The following VASH2 variants were observed in gnomAD, a reference collection of about 807,000 sequenced individuals.
The protein encoded by VASH2 is tubulinyl-Tyr carboxypeptidase 2.
A neutral mutation model predicts 37.2 loss-of-function variants in VASH2; 28 were observed. That is an observed-to-expected ratio of 0.75 (90% CI 0.56 to 1.03). The LOEUF (loss-of-function observed/expected upper bound fraction) is 1.03, where lower values mean the gene tolerates loss of function less well. VASH2 is among the 50% of genes least tolerant of loss of function. The probability of loss-of-function intolerance (pLI) is 0.00; values close to 1 mark genes in which losing one functional copy is unlikely to be tolerated. For synonymous variants in VASH2, 188 were observed against 174.7 expected (o/e 1.08, Z -0.60); for missense variants, 419 against 459.1 (o/e 0.91, Z 0.80).
chr1:212,954,481 T>C (rs1666421322), intron 2 of VASH2, among the ~76,000 whole-genome samples: 1 of 152,182 alleles, frequency 6.6e-6, no homozygotes, highest in African/African-American at 2.4e-5. Flanking sequence ...AGTGCAGTGG[T>C]GCGATCTCGG....
intron 5 of VASH2, among the ~76,000 whole-genome samples, chr1:212,966,733 AAG>A (rs1159688711): frequency 2.0e-5 from 3 of 152,206 alleles, no homozygotes; most frequent in Non-Finnish European, 4.4e-5. Context: ...AATCAGAGCC[AAG>A]AGTGCTAGTA....
At chr1:212,961,379 G>A in intron 3 of VASH2, 125 bp downstream of exon 3, 1 of 1,552,246 alleles carries the variant, frequency 6.4e-7, no homozygotes, top group Non-Finnish European at 8.7e-7. Context: ...GGCCAGGCAT[G>A]GAGGGATGTC....
intron 7 of VASH2, among the ~76,000 whole-genome samples, chr1:212,976,756 C>A (rs941874166): frequency 1.3e-5 from 2 of 152,176 alleles, no homozygotes; most frequent in Admixed American, 6.5e-5. Flanking sequence ...TGTTGAGGCA[C>A]CACTTGCCCT....
Position 212,951,772 on chromosome 1 carries a change from G to A in VASH2, c.230G>A (p.Gly77Glu), listed in dbSNP as rs1558138599. The A allele has an allele frequency of 1.9e-6, 3 of 1,608,826 alleles. No homozygotes were observed. Among genetic ancestry groups the A allele is most frequent in the South Asian group, 1.1e-5 (1 of 89,294 alleles). ...CACGTGGCCAAGGTGCACCCTAAGGGGGGAGAAATGGTGGGCGCCATCAGG... is the reference window on the plus strand; with the variant it reads ...CACGTGGCCAAGGTGCACCCTAAGGAGGGAGAAATGGTGGGCGCCATCAGG... ...WMHVAKVHPKGGEMVGAIRNA... is the reference protein window; with the variant it reads ...WMHVAKVHPKEGEMVGAIRNA... Residue 77 changes from glycine to glutamate, a missense_variant, in exon 2 of 8, where the codon GGG (glycine) becomes GAG (glutamate). Gly to Glu is a moderately conservative substitution (Grantham distance 98). This residue lies in a region of VASH2 where 158 missense variants were observed against 163.0 expected (regional missense o/e 0.97). Coordinates refer to ENST00000517399, the MANE Select transcript of VASH2 (RefSeq NM_001301056.2). The surrounding 1 kb of genome is among the most constrained non-coding windows in gnomAD (Gnocchi z 4.4).
chr1:212,984,959 AC>A (rs1333761572), intron 7 of VASH2, among the ~76,000 whole-genome samples: 1 of 152,096 alleles, frequency 6.6e-6, no homozygotes, highest in African/African-American at 2.4e-5. Flanking sequence ...TTGACTTAGC[AC>A]CCACTGTTAG....
chr1:212,958,833 C>T (rs1666576498), intron 2 of VASH2, among the ~76,000 whole-genome samples: 2 of 152,094 alleles, frequency 1.3e-5, no homozygotes, highest in South Asian at 4.1e-4. Context: ...CCTACCTCAG[C>T]CTCCTGAGTA....
intron 7 of VASH2, among the ~76,000 whole-genome samples, chr1:212,981,719 C>T (rs745848457): frequency 4.6e-5 from 7 of 152,324 alleles, no homozygotes; most frequent in South Asian, 2.1e-4. Flanking sequence ...TGCCGGCACA[C>T]GTACCCAGAC....
At chr1:212,967,303 A>G (rs1345982638) in intron 5 of VASH2, 6 of 1,250,080 alleles carry the variant, frequency 4.8e-6, no homozygotes, top group Non-Finnish European at 6.2e-6. Context: ...TTCGAGCATC[A>G]TGCCATTGGA....
intron 2 of VASH2, among the ~76,000 whole-genome samples, chr1:212,957,756 G>GC (rs1666540813): frequency 6.6e-6 from 1 of 151,826 alleles, no homozygotes; most frequent in Non-Finnish European, 1.5e-5. Flanking sequence ...GTTTACAGGC[G>GC]CCTACCACCA....
intron 7 of VASH2, among the ~76,000 whole-genome samples, chr1:212,978,329 G>T (rs755089962): frequency 2.0e-5 from 3 of 152,188 alleles, no homozygotes; most frequent in Admixed American, 6.5e-5. Flanking sequence ...CTACTCTCCC[G>T]CTCCCCTCCT....
chr1:212,952,114 T>C (rs1049736466), intron 2 of VASH2, among the ~76,000 whole-genome samples: 1 of 152,184 alleles, frequency 6.6e-6, no homozygotes, highest in Non-Finnish European at 1.5e-5. Flanking sequence ...CACCCCCACA[T>C]ACATCCTCCT....
intron 5 of VASH2, among the ~76,000 whole-genome samples, chr1:212,970,364 T>C (rs1299048832): frequency 1.3e-5 from 2 of 152,174 alleles, no homozygotes; most frequent in East Asian, 3.8e-4. Context: ...TCTTGTCTCC[T>C]CCCCACTTCT....
intron 2 of VASH2, among the ~76,000 whole-genome samples, chr1:212,958,768 C>T (rs141752679): frequency 0.015 from 2,353 of 152,170 alleles, 29 homozygotes; most frequent in Middle Eastern, 0.027. Context: ...AGCTGGAGTG[C>T]GGTGGCCCAT....
At chr1:212,954,246 C>A (rs775547359) in intron 2 of VASH2, among the ~76,000 whole-genome samples, 2 of 152,146 alleles carry the variant, frequency 1.3e-5, no homozygotes, top group Non-Finnish European at 2.9e-5. Context: ...AGCTCCCAGA[C>A]CAACTCACCC....
intron 3 of VASH2, among the ~76,000 whole-genome samples, chr1:212,962,600 T>C (rs115457736): frequency 0.012 from 1,857 of 152,068 alleles, 40 homozygotes; most frequent in African/African-American, 0.041. Flanking sequence ...CCCACAGGGG[T>C]TGGTGTTTAC....
chr1:212,979,837 C>T (rs971100012), intron 7 of VASH2, among the ~76,000 whole-genome samples: 8 of 152,052 alleles, frequency 5.3e-5, no homozygotes, highest in Admixed American at 3.9e-4. Context: ...TCCTGTGGTT[C>T]GTAAAGAGAA....
chr1:212,963,442 A>C (rs1207279924), intron 3 of VASH2, among the ~76,000 whole-genome samples: 1 of 152,166 alleles, frequency 6.6e-6, no homozygotes, highest in Non-Finnish European at 1.5e-5. Flanking sequence ...GGACACAGTG[A>C]CAGGTGCCAG....
chr1:212,958,127 T>TGAC (rs1666551641), intron 2 of VASH2, among the ~76,000 whole-genome samples: 1 of 152,170 alleles, frequency 6.6e-6, no homozygotes, highest in South Asian at 2.1e-4. Flanking sequence ...TGTCTCCTAA[T>TGAC]GACACTCCGG....
intron 7 of VASH2, chr1:212,974,596 G>GC (rs1667116870): frequency 6.6e-6 from 1 of 152,218 alleles, no homozygotes; most frequent in Non-Finnish European, 1.5e-5. Context: ...CTCCGTTTCA[G>GC]CCCTGAGGCC....
Sources: gnomAD v4.1 joint callset for allele counts (sites outside exome capture counted in the v4.1 genomes callset) on GRCh38, gnomAD v4.1.1 for gene constraint, gnomAD v4.1.1 regional missense constraint, Gnocchi (gnomAD v3.1) non-coding constraint, MANE v1.5 for transcripts, NCBI Gene and HGNC (gene_info 2026-07-23, HGNC 2026-07-21) for gene names.